Variants in RIT2 observed in about 807,000 individuals in gnomAD.
RIT2 encodes Ras like without CAAX 2.
Under a neutral mutation model 23.7 loss-of-function variants are expected in RIT2, and 24 were observed. That is an observed-to-expected ratio of 1.01 (90% CI 0.73 to 1.43). RIT2 has a LOEUF of 1.43. RIT2 is among the 40% of genes most tolerant of loss of function. The pLI is 0.00. For missense variants in RIT2, 236 were observed against 266.9 expected, an observed-to-expected ratio of 0.88 and a Z score of 0.81; for synonymous variants, 107 against 91.1, an observed-to-expected ratio of 1.17 and a Z score of -0.99.
chr18:42,892,680 T>C (rs1170542687), intron 4 of RIT2, among the ~76,000 whole-genome samples: 1 of 152,218 alleles, frequency 6.6e-6, no homozygotes, highest in Non-Finnish European at 1.5e-5. Context: ...AAAACATGTG[T>C]TAGTGACAAA....
At chr18:43,103,191 C>G (rs745509261) in intron 1 of RIT2, among the ~76,000 whole-genome samples, 2 of 152,086 alleles carry the variant, frequency 1.3e-5, no homozygotes, top group Non-Finnish European at 2.9e-5. Flanking sequence ...GTTTCTTTCT[C>G]TATTATTCAT....
At chr18:42,793,969 A>G (rs974254627) in intron 4 of RIT2, among the ~76,000 whole-genome samples, 25 of 152,036 alleles carry the variant, frequency 1.6e-4, no homozygotes, top group African/African-American at 6.0e-4. Flanking sequence ...CAAATCCCTT[A>G]CAATTTCTCA....
At chr18:42,790,017 G>A (rs957242750) in intron 4 of RIT2, among the ~76,000 whole-genome samples, 2 of 152,104 alleles carry the variant, frequency 1.3e-5, no homozygotes, top group African/African-American at 4.8e-5. Flanking sequence ...AGTTTATTGA[G>A]AGTTTTTGTC....
chr18:43,078,628 A>T (rs1352066789), intron 1 of RIT2, among the ~76,000 whole-genome samples: 2 of 152,170 alleles, frequency 1.3e-5, no homozygotes, highest in African/African-American at 4.8e-5. Context: ...TTCCTCCTGG[A>T]GCCTTCAGGG....
intron 4 of RIT2, among the ~76,000 whole-genome samples, chr18:42,821,226 A>G (rs1425335279): frequency 2.0e-5 from 3 of 152,132 alleles, no homozygotes; most frequent in East Asian, 3.9e-4. Context: ...ACTTTATGTA[A>G]CTAATGGGAT....
intron 3 of RIT2, among the ~76,000 whole-genome samples, chr18:42,963,211 T>A (rs1025998895): frequency 5.3e-5 from 8 of 152,200 alleles, no homozygotes; most frequent in Non-Finnish European, 8.8e-5. Context: ...TTCTTAGGAA[T>A]AAGAATATGT....
At chr18:43,078,831 G>C (rs1157038747) in intron 1 of RIT2, among the ~76,000 whole-genome samples, 2 of 152,082 alleles carry the variant, frequency 1.3e-5, no homozygotes, top group Admixed American at 1.3e-4. Context: ...TTTTATCTCA[G>C]CTGCATCAAT....
intron 4 of RIT2, among the ~76,000 whole-genome samples, chr18:42,746,045 A>G (rs1178325142): frequency 6.6e-6 from 1 of 152,112 alleles, no homozygotes; most frequent in Non-Finnish European, 1.5e-5. Context: ...GCTCTGCTCC[A>G]GGCTGTCAGG....
intron 4 of RIT2, among the ~76,000 whole-genome samples, chr18:42,757,306 A>T (rs1913186628): frequency 6.6e-6 from 1 of 152,204 alleles, no homozygotes; most frequent in South Asian, 2.1e-4. Context: ...GGCCCTGCAG[A>T]ATCTCTGGAC....
At chr18:43,021,984 T>C (rs1174145705) in intron 2 of RIT2, among the ~76,000 whole-genome samples, 1 of 152,168 alleles carries the variant, frequency 6.6e-6, no homozygotes, top group Non-Finnish European at 1.5e-5. Flanking sequence ...GAAATTACTA[T>C]ATCGGAGGGA....
chr18:42,948,526 G>T (rs1387527455), intron 3 of RIT2, among the ~76,000 whole-genome samples: 1 of 151,996 alleles, frequency 6.6e-6, no homozygotes, highest in Non-Finnish European at 1.5e-5. Flanking sequence ...TTGAAGTCAG[G>T]ACATAAAATA....
At chr18:42,796,165 G>A (rs1026229337) in intron 4 of RIT2, among the ~76,000 whole-genome samples, 2 of 152,120 alleles carry the variant, frequency 1.3e-5, no homozygotes, top group African/African-American at 4.8e-5. Context: ...GCTTTTATGA[G>A]CTGTAACACT....
chr18:42,923,445 A>G, intron 4 of RIT2, 127 bp downstream of exon 4: 4 of 808,414 alleles, frequency 4.9e-6, no homozygotes, highest in Non-Finnish European at 8.2e-6. Flanking sequence ...ACCATGACTT[A>G]TTAGAAAAAT....
chr18:42,879,551 T>C (rs1907834170), intron 4 of RIT2, among the ~76,000 whole-genome samples: 1 of 152,154 alleles, frequency 6.6e-6, no homozygotes, highest in Admixed American at 6.5e-5. Context: ...GTTTTTGTTT[T>C]CTCTTTCTGC....
intron 2 of RIT2, among the ~76,000 whole-genome samples, chr18:43,000,048 C>A (rs1212858298): frequency 6.6e-6 from 1 of 152,058 alleles, no homozygotes; most frequent in Non-Finnish European, 1.5e-5. Context: ...TGAACCATCA[C>A]CACACAGGGT....
intron 3 of RIT2, among the ~76,000 whole-genome samples, chr18:42,950,123 C>T (rs901592555): frequency 1.6e-4 from 25 of 152,118 alleles, no homozygotes; most frequent in Admixed American, 6.6e-5. Context: ...TTATTCTATA[C>T]TCAACTGCTT....
intron 2 of RIT2, among the ~76,000 whole-genome samples, chr18:43,028,375 A>T (rs1911779524): frequency 6.6e-6 from 1 of 151,988 alleles, no homozygotes; most frequent in Admixed American, 6.6e-5. Flanking sequence ...AAAGGCAGAG[A>T]AGAGGTTGCT....
At chr18:42,806,099 TAATA>T (rs1453080766) in intron 4 of RIT2, among the ~76,000 whole-genome samples, 16 of 48,406 alleles carry the variant, frequency 3.3e-4, no homozygotes, top group South Asian at 1.5e-3. Flanking sequence ...TTAATAAAAT[TAATA>T]TATATATATA....
chr18:43,115,371 C>T, intron 1 of RIT2, 46 bp downstream of exon 1: 2 of 1,607,306 alleles, frequency 1.2e-6, no homozygotes, highest in Non-Finnish European at 1.7e-6. Context: ...ATAGAGTTGT[C>T]TCTATAGAGG....
Sources: gnomAD v4.1 joint callset for allele counts (sites outside exome capture counted in the v4.1 genomes callset) on GRCh38, gnomAD v4.1.1 for gene constraint, MANE v1.5 for transcripts, NCBI Gene and HGNC (gene_info 2026-07-23, HGNC 2026-07-21) for gene names.